VSIR: variants seen among roughly 807,000 people sequenced by gnomAD.
The protein encoded by VSIR is V-type immunoglobulin domain-containing suppressor of T-cell activation.
In VSIR, 10 loss-of-function variants were observed where a neutral mutation model predicts 31.0. That is an observed-to-expected ratio of 0.32 (90% confidence interval 0.20 to 0.55). The LOEUF (loss-of-function observed/expected upper bound fraction) is 0.55. Ranked by LOEUF, VSIR falls within the 20% of genes least tolerant of loss-of-function variation. VSIR has a pLI of 0.93. For synonymous variants in VSIR, 179 were observed against 180.1 expected, an observed-to-expected ratio of 0.99 and a Z score of 0.05; for missense variants, 356 against 416.2, an observed-to-expected ratio of 0.86 and a Z score of 1.26.
At chr10:71,772,736 C>T (rs1337711844) in intron 1 of VSIR, among the ~76,000 whole-genome samples, 1 of 152,198 alleles carries the variant, frequency 6.6e-6, no homozygotes, top group Non-Finnish European at 1.5e-5. Context: ...TGAGTGGCAG[C>T]CTTGCTAGGA....
intron 3 of VSIR, among the ~76,000 whole-genome samples, chr10:71,760,284 T>G (rs1840340184): frequency 9.2e-6 from 1 of 108,782 alleles, no homozygotes; most frequent in Non-Finnish European, 2.1e-5. Flanking sequence ...TATGTATGTA[T>G]ATATGTGTAT....
chr10:71,771,138 G>C (rs940504803), intron 1 of VSIR, among the ~76,000 whole-genome samples: 1 of 152,192 alleles, frequency 6.6e-6, no homozygotes, highest in Non-Finnish European at 1.5e-5. Flanking sequence ...TGTGAGGACA[G>C]GGCAAGGACA....
At position 71,750,901 on chromosome 10, in the gene VSIR, T is replaced by G; in HGVS notation, c.*352A>C. ...CCCAGTGTCCATCTTGTCCCACTGA[T>G]GCTGCCACATCCCAAGGCTCATGTC... On this transcript the variant is annotated 3_prime_UTR_variant, in exon 7 of 7. Transcript: ENST00000394957. 1 of 222,532 alleles carries G rather than the reference T, an allele frequency of 4.5e-6. No individual in the cohort carries two copies. The highest frequency in any genetic ancestry group is 8.8e-6 in the Non-Finnish European group (1 of 113,384). The allele number at this position is 222,532 out of a possible 1,614,324, so 13.8% of individuals were successfully genotyped here. A position where few individuals can be genotyped will look rare whatever the true frequency, so the allele number is the denominator to read the frequency against.
intron 1 of VSIR, among the ~76,000 whole-genome samples, chr10:71,770,439 C>A (rs201453233): frequency 8.8e-6 from 1 of 113,008 alleles, no homozygotes; most frequent in African/African-American, 3.0e-5. Context: ...AGGGGCTGTA[C>A]GGAAGCCCTG....
At position 71,751,892 on chromosome 10, in the gene VSIR, G is replaced by C; in HGVS notation, c.705-31C>G. ...ACAGAACCAGAATGGAAGGTCATCT[G>C]TGCTGTCCGGAGCGTGAACTCTGCC... On this transcript the variant is annotated intron_variant, in intron 5 of 6. Transcript: ENST00000394957. This position sits in a 1 kb window ranked among gnomAD's most constrained non-coding sequence, Gnocchi z 4.9. 6.5e-7 allele frequency: 1 copy of C among 1,542,848 alleles called. No homozygotes were observed. The highest frequency in any genetic ancestry group is 8.8e-7 in the Non-Finnish European group (1 of 1,142,026).
chr10:71,763,273 C>A, intron 1 of VSIR, among the ~76,000 whole-genome samples: 1 of 152,198 alleles, frequency 6.6e-6, no homozygotes, highest in Middle Eastern at 3.2e-3. Flanking sequence ...CTCTCAAAGT[C>A]TTGGGATTAC....
At chr10:71,773,221 T>C (rs1276190143) in intron 1 of VSIR, 137 bp downstream of exon 1, 1 of 1,032,436 alleles carries the variant, frequency 9.7e-7, no homozygotes. Flanking sequence ...CCCAGCAGCC[T>C]CTGGGCGGTG....
intron 1 of VSIR, among the ~76,000 whole-genome samples, chr10:71,765,048 G>T (rs1383360986): frequency 6.6e-6 from 1 of 152,214 alleles, no homozygotes; most frequent in East Asian, 1.9e-4. Flanking sequence ...CTATGGCTCT[G>T]CCGGGAAACA....
Position 71,773,484 on chromosome 10 carries a change from G to A in VSIR, c.-45C>T, listed in dbSNP as rs1478195975. 8.4e-6 allele frequency: 13 copies of A among 1,542,402 alleles called. No homozygotes were observed. In the Admixed American group the frequency reaches 2.3e-4, roughly 28 times the overall value. ...AGGAACTTCTGGTGCCGGGGAGCGGGCGGGACGCGGCCGGCGCGGGGAAGC... is the reference window on the plus strand; with the variant it reads ...AGGAACTTCTGGTGCCGGGGAGCGGACGGGACGCGGCCGGCGCGGGGAAGC... On this transcript the variant is annotated 5_prime_UTR_variant, in exon 1 of 7. Transcript: ENST00000394957.
At chr10:71,763,705 T>A (rs1038501969) in intron 1 of VSIR, among the ~76,000 whole-genome samples, 7 of 152,184 alleles carry the variant, frequency 4.6e-5, no homozygotes, top group African/African-American at 1.7e-4. Flanking sequence ...CAACGGTTAG[T>A]AATAATTCAC....
At position 71,753,018 on chromosome 10, in the gene VSIR, C is replaced by T; in HGVS notation, c.677-16G>A. 1 of 1,611,986 alleles carries T rather than the reference C, an allele frequency of 6.2e-7. No homozygotes were observed. Reference sequence around the variant, plus strand: ...TCCTGGGCACCTAGGGACAGACAGACAGAGAAGCTGGTCATGGAAGGGAAG... The same window carrying T: ...TCCTGGGCACCTAGGGACAGACAGATAGAGAAGCTGGTCATGGAAGGGAAG... On this transcript the variant is annotated splice_polypyrimidine_tract_variant and intron_variant, in intron 4 of 6. Coordinates refer to ENST00000394957, the MANE Select transcript of VSIR (RefSeq NM_022153.2).
chr10:71,766,874 C>T (rs561135153), intron 1 of VSIR, among the ~76,000 whole-genome samples: 22 of 152,346 alleles, frequency 1.4e-4, no homozygotes, highest in African/African-American at 5.1e-4. Flanking sequence ...GCTGATGCCT[C>T]ATCCTTCAGC....
At chr10:71,767,331 G>T (rs188474344) in intron 1 of VSIR, among the ~76,000 whole-genome samples, 1 of 152,364 alleles carries the variant, frequency 6.6e-6, no homozygotes, top group East Asian at 1.9e-4. Context: ...CAACGCCCTA[G>T]CCTTTGGAGG....
chr10:71,763,215 C>T (rs1425254625), intron 1 of VSIR, among the ~76,000 whole-genome samples: 1 of 152,126 alleles, frequency 6.6e-6, no homozygotes, highest in East Asian at 1.9e-4. Context: ...CCTCTGTTGC[C>T]CAGGCTGACC....
chr10:71,773,308 T>C lies in VSIR; in HGVS notation c.82+50A>G, dbSNP rs766686329. 1.9e-6 allele frequency: 3 copies of C among 1,549,808 alleles called. No homozygotes were observed. In the South Asian group the frequency reaches 3.5e-5, roughly 18 times the overall value. On this transcript the variant is annotated intron_variant, in intron 1 of 6. Coordinates refer to ENST00000394957, the MANE Select transcript of VSIR (RefSeq NM_022153.2). Reference sequence around the variant, plus strand: ...CCATCCCACAGTTCCCACTCCAGTCTGCTGTCTTCTCCCAGCTTTTTCCCA... The same window carrying C: ...CCATCCCACAGTTCCCACTCCAGTCCGCTGTCTTCTCCCAGCTTTTTCCCA...
intron 1 of VSIR, among the ~76,000 whole-genome samples, chr10:71,762,905 C>A (rs1840431855): frequency 6.6e-6 from 1 of 152,228 alleles, no homozygotes; most frequent in Non-Finnish European, 1.5e-5. Context: ...CCCTGGTCCA[C>A]TTTGCCTTAT....
chr10:71,757,882 C>T (rs1361473598), intron 3 of VSIR, among the ~76,000 whole-genome samples: 1 of 152,190 alleles, frequency 6.6e-6, no homozygotes, highest in Non-Finnish European at 1.5e-5. Context: ...GCCTAGACCC[C>T]TTCTCTGAGC....
At chr10:71,761,526 T>C in intron 2 of VSIR, 72 bp downstream of exon 2, 1 of 1,454,554 alleles carries the variant, frequency 6.9e-7, no homozygotes, top group African/African-American at 1.4e-5. Context: ...CAGCACAGTG[T>C]CATGAATGGT....
At chr10:71,757,200 C>T (rs752313666) in intron 3 of VSIR, among the ~76,000 whole-genome samples, 7 of 152,240 alleles carry the variant, frequency 4.6e-5, no homozygotes, top group East Asian at 1.9e-4. Flanking sequence ...CTCCTCTGGA[C>T]GGCTAGTAAG....
Sources: gnomAD v4.1 joint callset for allele counts (sites outside exome capture counted in the v4.1 genomes callset) on GRCh38, gnomAD v4.1.1 for gene constraint, Gnocchi (gnomAD v3.1) non-coding constraint, MANE v1.5 for transcripts, NCBI Gene and HGNC (gene_info 2026-07-23, HGNC 2026-07-21) for gene names.